Variants in NWD1 observed in about 807,000 individuals in gnomAD.
The protein encoded by NWD1 is NACHT and WD repeat domain containing 1, also known as NACHT domain- and WD repeat-containing protein 1.
NWD1 carries 129 observed loss-of-function variants against 135.1 expected under a neutral mutation model. The observed-to-expected ratio is 0.96, with a 90% CI of 0.83 to 1.11. The LOEUF (loss-of-function observed/expected upper bound fraction) is 1.11. NWD1 is among the 50% of genes least tolerant of loss of function. NWD1 has a pLI of 0.00. For missense variants in NWD1, 1,740 were observed against 1,851.3 expected (o/e 0.94, Z 1.10); for synonymous variants, 773 against 786.0 (o/e 0.98, Z 0.28).
At chr19:16,789,281 T>A (rs1970163002) in intron 13 of NWD1, 91 bp downstream of exon 13, 1 of 969,234 alleles carries the variant, frequency 1.0e-6, no homozygotes, top group Non-Finnish European at 1.6e-6. Flanking sequence ...GGCTCCCTGA[T>A]ACAGTGATGG....
rs144292032 is a variant in NWD1 at position 16,720,684 on chromosome 19, A to G, written c.-105+391A>G. Among the ~76,000 whole-genome samples, 162 of 152,060 alleles carry G rather than the reference A, an allele frequency of 1.1e-3. 3 individuals are homozygous for G. The highest frequency in any genetic ancestry group is 3.5e-3 in the African/African-American group (147 of 41,494). On this transcript the variant is annotated intron_variant, in intron 1 of 18. Coordinates refer to ENST00000524140, the MANE Select transcript of NWD1 (RefSeq NM_001007525.5). The stretch of plus-strand genomic sequence containing the variant: ...ATTCTCCTGCCTCAGCCTCCTGAGT[A>G]GCTGGGACTACAGGTGTCCGCCACA...
At chr19:16,813,006 C>A (rs1970971838) in intron 18 of NWD1, among the ~76,000 whole-genome samples, 1 of 152,218 alleles carries the variant, frequency 6.6e-6, no homozygotes, top group Non-Finnish European at 1.5e-5. Context: ...AAAGGGCCCA[C>A]AATCCCTCTT....
chr19:16,811,386 C>A (rs890164390), intron 18 of NWD1, among the ~76,000 whole-genome samples: 8 of 151,744 alleles, frequency 5.3e-5, no homozygotes, highest in African/African-American at 1.7e-4. Flanking sequence ...GAGTTCGAGA[C>A]CAGCCTGACC....
rs1178746397 is a variant in NWD1 at position 16,791,548 on chromosome 19, A to G, written c.3139A>G (p.Thr1047Ala). The G allele has an allele frequency of 6.2e-7, 1 of 1,614,132 alleles. No individual in the cohort carries two copies. Among genetic ancestry groups the G allele is most frequent in the Non-Finnish European group, 8.5e-7 (1 of 1,180,042 alleles). ...ACATATGTCCAGCATCAAAGAAGAAACACCTACCTGTGCCGTCTCAGTCCA... is the reference window on the plus strand; with the variant it reads ...ACATATGTCCAGCATCAAAGAAGAAGCACCTACCTGTGCCGTCTCAGTCCA... The part of the protein sequence containing the change: ...KQHMSSIKEE[T>A]PTCAVSVQKQ... Residue 1047 changes from threonine (T) to alanine (A), a missense_variant, in exon 14 of 19, where the codon ACA becomes GCA. Thr to Ala is a moderately conservative substitution (Grantham distance 58). Transcript: ENST00000524140.
chr19:16,721,279 T>C (rs1418272351), intron 1 of NWD1: 1 of 152,072 alleles, frequency 6.6e-6, no homozygotes, highest in East Asian at 1.9e-4. Flanking sequence ...CCACAGAGGA[T>C]GATCTGGCCT....
intron 17 of NWD1, among the ~76,000 whole-genome samples, chr19:16,805,523 G>C (rs1039007806): frequency 3.0e-4 from 45 of 151,938 alleles, no homozygotes; most frequent in African/African-American, 1.1e-3. Flanking sequence ...CAGAGGCAGG[G>C]GTCTCACTCT....
chr19:16,779,332 T>C lies in NWD1; in HGVS notation c.2609-11T>C. ...ACTGAGATCATTGCTGTTGCCTCTG[T>C]GTGGCTGCAGGCATCACCGCCATGG... On this transcript the variant is annotated splice_polypyrimidine_tract_variant and intron_variant, in intron 11 of 18. Transcript: ENST00000524140. 4 of 1,613,746 alleles carry C rather than the reference T, an allele frequency of 2.5e-6. No individual in the cohort carries two copies. Among genetic ancestry groups the C allele is most frequent in the Non-Finnish European group, 3.4e-6 (4 of 1,179,986 alleles).
Position 16,797,720 on chromosome 19 carries a change from C to T in NWD1, c.3305-12C>T. 6.2e-7 allele frequency: 1 copy of T among 1,612,446 alleles called. No homozygotes were observed. Among genetic ancestry groups the T allele is most frequent in the Non-Finnish European group, 8.5e-7 (1 of 1,179,034 alleles). ...GACATGAGAGGTGTAACCCCAGTTC[C>T]TGCCGTTTCAGGCTTTGGAAGATCG... On this transcript the variant is annotated splice_polypyrimidine_tract_variant and intron_variant, in intron 15 of 18. Coordinates refer to ENST00000524140, the MANE Select transcript of NWD1 (RefSeq NM_001007525.5).
At chr19:16,731,396 T>C (rs1967557641) in intron 3 of NWD1, 118 bp downstream of exon 3, 4 of 613,654 alleles carry the variant, frequency 6.5e-6, no homozygotes, top group Admixed American at 5.1e-5. Context: ...AACCTCTGCC[T>C]CCCGGGTTCA....
At chr19:16,739,283 G>A (rs1452531675) in intron 4 of NWD1, among the ~76,000 whole-genome samples, 11 of 131,794 alleles carry the variant, frequency 8.3e-5, no homozygotes, top group Middle Eastern at 5.6e-3. Flanking sequence ...CTTGAGCCCA[G>A]GAGTTCAAGA....
At chr19:16,745,793 T>G (rs1968288348) in intron 5 of NWD1, among the ~76,000 whole-genome samples, 1 of 151,998 alleles carries the variant, frequency 6.6e-6, no homozygotes, top group Non-Finnish European at 1.5e-5. Context: ...GGTGCATGCC[T>G]GTAGCCCCAG....
At position 16,732,654 on chromosome 19, in the gene NWD1, C is replaced by CAAA. The variant is rs759471981; in HGVS notation, c.81+1389_81+1391dup. Among the ~76,000 whole-genome samples, 5 of 30,322 alleles carry CAAA rather than the reference C, an allele frequency of 1.6e-4. 1 individual carries two copies. The highest frequency in any genetic ancestry group is 2.9e-4 in the Non-Finnish European group (5 of 17,302). 19.9% of individuals were successfully genotyped at this position (30,322 alleles called of 152,430 possible). ...TGGATGACAGAGCAAGACTTCATCT[C>CAAA]AAAAAAAAAAAAAAAGAAAAAGTGA... On this transcript the variant is annotated intron_variant, in intron 3 of 18. Coordinates refer to ENST00000524140, the MANE Select transcript of NWD1 (RefSeq NM_001007525.5).
chr19:16,803,729 C>A (rs1970669383), intron 17 of NWD1, among the ~76,000 whole-genome samples: 1 of 148,650 alleles, frequency 6.7e-6, no homozygotes. Context: ...CCAGCCTGGC[C>A]AACATGGCGA....
intron 1 of NWD1, among the ~76,000 whole-genome samples, chr19:16,723,778 C>A (rs947574358): frequency 3.9e-5 from 6 of 152,102 alleles, no homozygotes; most frequent in Non-Finnish European, 8.8e-5. Context: ...TCACTGCAAC[C>A]TCTACCTCCT....
intron 12 of NWD1, among the ~76,000 whole-genome samples, chr19:16,785,106 A>G (rs533401758): frequency 4.5e-4 from 68 of 152,070 alleles, no homozygotes; most frequent in Non-Finnish European, 9.1e-4. Context: ...GTGACTGCTG[A>G]TGGGGACAGG....
rs187111178 is a variant in NWD1 at position 16,809,711 on chromosome 19, C to T, written c.4287+1575C>T. On this transcript the variant is annotated intron_variant, in intron 18 of 18. Transcript: ENST00000524140. Reference sequence around the variant, plus strand: ...CTGGGACTACAGGTGCCCGCCACCACGCCTGGCTAATTTTTTTGTATTTTT... The same window carrying T: ...CTGGGACTACAGGTGCCCGCCACCATGCCTGGCTAATTTTTTTGTATTTTT... 2.3e-3 allele frequency among the ~76,000 whole-genome samples: 351 copies of T among 151,922 alleles called. 1 individual carries two copies. Among genetic ancestry groups the T allele is most frequent in the African/African-American group, 7.3e-3 (304 of 41,464 alleles).
intron 1 of NWD1, among the ~76,000 whole-genome samples, chr19:16,722,213 C>T (rs529795257): frequency 1.3e-5 from 2 of 151,600 alleles, no homozygotes; most frequent in South Asian, 2.1e-4. Context: ...GTGGGAGGAT[C>T]ACTTGAGGAC....
At position 16,749,431 on chromosome 19, in the gene NWD1, G is replaced by A. The variant is rs1428743064; in HGVS notation, c.789G>A (p.Lys263=). Residue 263 remains lysine, a synonymous_variant, in exon 6 of 19, where the codon AAG becomes AAA. Transcript: ENST00000524140. The part of the protein sequence containing the change: ...PKNKTHACYL[K]ELGEQFVVRA... ...ACAAGACTCACGCCTGCTACCTGAAGGAGCTGGGTGAGCAGTTTGTGGTGA... is the reference window on the plus strand; with the variant it reads ...ACAAGACTCACGCCTGCTACCTGAAAGAGCTGGGTGAGCAGTTTGTGGTGA... 1 of 1,613,762 alleles carries A rather than the reference G, an allele frequency of 6.2e-7. No individual in the cohort carries two copies. Among genetic ancestry groups the A allele is most frequent in the Non-Finnish European group, 8.5e-7 (1 of 1,179,812 alleles).
At chr19:16,814,079 A>C (rs1053471004) in intron 18 of NWD1, among the ~76,000 whole-genome samples, 2 of 152,028 alleles carry the variant, frequency 1.3e-5, no homozygotes, top group Non-Finnish European at 2.9e-5. Context: ...TGGGAGGTCG[A>C]GGTGTGGGAG....
Sources: allele counts gnomAD v4.1 joint callset (sites outside exome capture counted in the v4.1 genomes callset), GRCh38; gene constraint gnomAD v4.1.1; transcripts MANE v1.5; gene names NCBI Gene and HGNC (gene_info 2026-07-23, HGNC 2026-07-21).